HGS: variants seen among roughly 807,000 people sequenced by gnomAD.
HGS encodes human growth factor-regulated tyrosine kinase substrate.
Under a neutral mutation model 109.7 loss-of-function variants are expected in HGS, and 63 were observed. That is an observed-to-expected ratio of 0.57 (90% CI 0.47 to 0.71). The LOEUF is 0.71. Among genes scored for constraint, HGS ranks in the 30% least tolerant of loss-of-function variants. The pLI is 0.00. For missense variants in HGS, 995 were observed against 1,068.3 expected (o/e 0.93, Z 0.96); for synonymous variants, 546 against 437.3 (o/e 1.25, Z -3.10).
At chr17:81,700,634 C>A in intron 19 of HGS, 34 bp downstream of exon 19, 3 of 1,314,650 alleles carry the variant, frequency 2.3e-6, no homozygotes, top group East Asian at 4.1e-5. Context: ...CCTTCCAGGG[C>A]CAGCCCCAGC....
At chr17:81,695,660 C>A in intron 14 of HGS, 126 bp from the exon 15 acceptor site, 2 of 819,392 alleles carry the variant, frequency 2.4e-6, no homozygotes, top group Non-Finnish European at 4.0e-6. Context: ...GAAGGGGCTG[C>A]TTGCATAAGG....
intron 11 of HGS, 102 bp downstream of exon 11, chr17:81,694,067 G>C: frequency 2.0e-6 from 2 of 1,002,752 alleles, no homozygotes; most frequent in Non-Finnish European, 2.9e-6. Context: ...GGGGGATGCG[G>C]GTCCCCGGGC....
At chr17:81,694,316 C>T (rs1423531347) in intron 11 of HGS, among the ~76,000 whole-genome samples, 1 of 152,226 alleles carries the variant, frequency 6.6e-6, no homozygotes, top group Non-Finnish European at 1.5e-5. Flanking sequence ...CAGCCCCGCT[C>T]TCAGTAGAGG....
In HGS at chr17:81,696,604, C is replaced by T. The variant is rs765940526; in HGVS notation, c.1567-3C>T. On this transcript the variant is annotated splice_region_variant and splice_polypyrimidine_tract_variant and intron_variant, in intron 16 of 21. Transcript: ENST00000329138. ...GCATAACCAGCATGTTTTTGCCGCA[C>T]AGGAGTACCTGGAGGTGCAGAGGCA... 1.2e-4 allele frequency: 190 copies of T among 1,594,050 alleles called. No individual in the cohort carries two copies. Among genetic ancestry groups the T allele is most frequent in the Non-Finnish European group, 1.6e-4 (182 of 1,168,580 alleles).
In HGS at chr17:81,687,041, T is replaced by G; in HGVS notation, c.237T>G (p.Val79=). 6.2e-7 allele frequency: 1 copy of G among 1,613,436 alleles called. No homozygotes were observed. ...ESVVKNCGQT[V]HDEVANKQTM... is the part of the protein sequence containing the mutation. Reference sequence around the variant, plus strand: ...TGGTAAAGAACTGTGGCCAGACAGTTCATGATGAGGTGGCCAACAAGCAGA... The same window carrying G: ...TGGTAAAGAACTGTGGCCAGACAGTGCATGATGAGGTGGCCAACAAGCAGA... The change falls in exon 4 of 22, where the codon GTT becomes GTG. Residue 79 remains valine, a synonymous_variant. Transcript: ENST00000329138.
At chr17:81,689,569 A>G (rs1456370342) in intron 5 of HGS, among the ~76,000 whole-genome samples, 1 of 152,016 alleles carries the variant, frequency 6.6e-6, no homozygotes, top group Non-Finnish European at 1.5e-5. Flanking sequence ...TGTGGCCCTG[A>G]GTCTGCTGAA....
At position 81,697,352 on chromosome 17, in the gene HGS, C is replaced by T. The variant is rs991011961; in HGVS notation, c.1882+354C>T. 14 of 87,948 alleles carry T rather than the reference C, an allele frequency of 1.6e-4. 1 individual carries two copies. Among genetic ancestry groups the T allele is most frequent in the Admixed American group, 6.0e-4 (5 of 8,374 alleles). The allele number at this position is 87,948 out of a possible 1,614,324, so 5.4% of individuals were successfully genotyped here. A position where few individuals can be genotyped will look rare whatever the true frequency, so the allele number is the denominator to read the frequency against. On this transcript the variant is annotated intron_variant, in intron 18 of 21. Transcript: ENST00000329138. ...CGCCCCCTGCTGCGTGGCATTTGCCCCCCCCCCCCCCGCCTTTAATCTAGA... is the reference window on the plus strand; with the variant it reads ...CGCCCCCTGCTGCGTGGCATTTGCCTCCCCCCCCCCCGCCTTTAATCTAGA...
chr17:81,686,946 G>C (rs2036988723), intron 3 of HGS, 57 bp from the exon 4 acceptor site: 14 of 1,431,982 alleles, frequency 9.8e-6, no homozygotes, highest in Non-Finnish European at 1.4e-5. Flanking sequence ...TGTCCGGGAG[G>C]AGGAGGGGCC....
At position 81,691,293 on chromosome 17, in the gene HGS, G is replaced by T; in HGVS notation, c.538-154G>T. ...CCCGGGAGCATGTCCAGGTTCCCCG[G>T]CCTTAGGGTCTTCCCAGGCACTTGT... On this transcript the variant is annotated intron_variant, in intron 7 of 21. Transcript: ENST00000329138. The surrounding 1 kb of genome is among the most constrained non-coding windows in gnomAD (Gnocchi z 5.3). 2.2e-6 allele frequency: 2 copies of T among 895,096 alleles called. No homozygotes were observed. Among genetic ancestry groups the T allele is most frequent in the Non-Finnish European group, 3.5e-6 (2 of 571,458 alleles). 55.4% of individuals were successfully genotyped at this position (895,096 alleles called of 1,614,324 possible).
intron 4 of HGS, among the ~76,000 whole-genome samples, chr17:81,688,471 C>T (rs992409378): frequency 2.0e-5 from 3 of 152,198 alleles, no homozygotes; most frequent in African/African-American, 7.2e-5. Flanking sequence ...TGGTCAGGGG[C>T]ACAGAGACGC....
At chr17:81,696,560 C>T (rs749002940) in intron 16 of HGS, 31 bp downstream of exon 16, 27 of 1,549,538 alleles carry the variant, frequency 1.7e-5, no homozygotes, top group Non-Finnish European at 2.3e-5. Flanking sequence ...CAGGCCGGGG[C>T]CGGCTGGGGG....
At chr17:81,694,264 G>A (rs2037111113) in intron 11 of HGS, among the ~76,000 whole-genome samples, 1 of 152,230 alleles carries the variant, frequency 6.6e-6, no homozygotes, top group Non-Finnish European at 1.5e-5. Flanking sequence ...AGGAACTGAA[G>A]GACTTGCTTT....
chr17:81,685,822 A>T (rs985768681), intron 2 of HGS, 133 bp downstream of exon 2: 20 of 606,868 alleles, frequency 3.3e-5, no homozygotes, highest in Admixed American at 1.0e-4. Context: ...CATGGGCTAC[A>T]TGCTAGGATT....
chr17:81,697,597 G>GAA (rs2037174752), intron 18 of HGS: 1 of 120,628 alleles, frequency 8.3e-6, no homozygotes, highest in African/African-American at 3.7e-5. Flanking sequence ...TTTTCACTGT[G>GAA]AAGTGACTGT....
intron 16 of HGS, 24 bp downstream of exon 16, chr17:81,696,553 G>GC (rs765175068): frequency 1.7e-5 from 27 of 1,545,406 alleles, no homozygotes; most frequent in Non-Finnish European, 2.3e-5. Flanking sequence ...CCAGCCACAG[G>GC]CCGGGGCCGG....
intron 11 of HGS, among the ~76,000 whole-genome samples, 153 bp from the exon 12 acceptor site, chr17:81,694,662 G>C (rs767081562): frequency 1.3e-5 from 2 of 152,364 alleles, no homozygotes; most frequent in Non-Finnish European, 2.9e-5. Context: ...AGAAAAGATG[G>C]CTGCTCAGAT....
chr17:81,685,062 GA>G, intron 1 of HGS: 1 of 985,398 alleles, frequency 1.0e-6, no homozygotes, highest in Non-Finnish European at 1.2e-6. Flanking sequence ...GATGTGGTAT[GA>G]TGACAGGTAT....
In HGS at chr17:81,700,385, A is replaced by G. The variant is rs1036513311; in HGVS notation, c.1883-82A>G. The G allele has an allele frequency of 2.4e-4, 325 of 1,337,888 alleles. No individual in the cohort carries two copies. In the African/African-American group the frequency reaches 4.4e-3, roughly 18 times the overall value. 82.9% of individuals were successfully genotyped at this position (1,337,888 alleles called of 1,614,324 possible). On this transcript the variant is annotated intron_variant, in intron 18 of 21. Coordinates refer to ENST00000329138, the MANE Select transcript of HGS (RefSeq NM_004712.5). ...TCCATCTCAAAAAAAAAAAAAAAAA[A>G]GTAAAACTCAAGAGTAGGGTGTCCC...
chr17:81,696,576 G>A (rs759816456), intron 16 of HGS, 31 bp from the exon 17 acceptor site: 7 of 1,562,530 alleles, frequency 4.5e-6, no homozygotes, highest in African/African-American at 4.1e-5. Context: ...GGGGGACCTC[G>A]CAGCATAACC....
Sources: gnomAD v4.1 joint callset for allele counts (sites outside exome capture counted in the v4.1 genomes callset) on GRCh38, gnomAD v4.1.1 for gene constraint, Gnocchi (gnomAD v3.1) non-coding constraint, MANE v1.5 for transcripts, NCBI Gene and HGNC (gene_info 2026-07-23, HGNC 2026-07-21) for gene names.